The following AKAP6 variants were observed in gnomAD, a reference collection of about 807,000 sequenced individuals.
AKAP6 encodes A-kinase anchor protein 6.
A neutral mutation model predicts 188.5 loss-of-function variants in AKAP6; 58 were observed. The observed-to-expected ratio is 0.31, with a 90% CI of 0.25 to 0.38. The LOEUF (loss-of-function observed/expected upper bound fraction) is 0.38, where lower values mean the gene tolerates loss of function less well. Ranked by LOEUF, AKAP6 falls within the 10% of genes least tolerant of loss-of-function variation. The probability of loss-of-function intolerance (pLI) is 1.00; values close to 1 mark genes in which losing one functional copy is unlikely to be tolerated. For missense variants in AKAP6, 2,710 were observed against 2,740.0 expected (o/e 0.99, Z 0.24); for synonymous variants, 989 against 998.6 (o/e 0.99, Z 0.18).
At position 32,824,199 on chromosome 14, in the gene AKAP6, TAGA is replaced by T. The variant is rs1319915281; in HGVS notation, c.6390_6392del (p.Glu2131del). ...GATTGTGGGGAGGTCACCAATTACA[TAGA>T]AGAGAAAAGCAGCACTCCATTGCCA... On this transcript the variant is annotated inframe_deletion, in exon 13 of 14. Coordinates refer to ENST00000280979, the MANE Select transcript of AKAP6 (RefSeq NM_004274.5). 1 of 1,613,954 alleles carries T rather than the reference TAGA, an allele frequency of 6.2e-7. No individual in the cohort carries two copies. The highest frequency in any genetic ancestry group is 8.5e-7 in the Non-Finnish European group (1 of 1,179,936).
intron 2 of AKAP6, among the ~76,000 whole-genome samples, chr14:32,533,848 A>G (rs1328255091): frequency 6.6e-6 from 1 of 152,148 alleles, no homozygotes; most frequent in African/African-American, 2.4e-5. Context: ...GCACTGGCTA[A>G]TAGATTTTTT....
At chr14:32,499,752 A>G (rs1312334722) in intron 2 of AKAP6, among the ~76,000 whole-genome samples, 1 of 151,738 alleles carries the variant, frequency 6.6e-6, no homozygotes, top group Non-Finnish European at 1.5e-5. Flanking sequence ...TTATTAATAT[A>G]TATTTTACAT....
chr14:32,759,653 C>T (rs979671664), intron 11 of AKAP6, among the ~76,000 whole-genome samples: 6 of 152,150 alleles, frequency 3.9e-5, no homozygotes, highest in Non-Finnish European at 8.8e-5. Context: ...TGCTCAGCTT[C>T]TAGGGAGGAC....
intron 9 of AKAP6, among the ~76,000 whole-genome samples, chr14:32,701,062 A>G (rs954645292): frequency 6.6e-6 from 1 of 152,216 alleles, no homozygotes; most frequent in African/African-American, 2.4e-5. Flanking sequence ...TCATTCATAT[A>G]AGTCCAAACA....
At chr14:32,757,634 T>C (rs1428011801) in intron 11 of AKAP6, among the ~76,000 whole-genome samples, 3 of 152,258 alleles carry the variant, frequency 2.0e-5, no homozygotes, top group African/African-American at 7.2e-5. Context: ...AACACCCTTC[T>C]CTTCAGCAAA....
chr14:32,809,042 T>C (rs1215690097), intron 12 of AKAP6, among the ~76,000 whole-genome samples: 1 of 152,178 alleles, frequency 6.6e-6, no homozygotes, highest in African/African-American at 2.4e-5. Flanking sequence ...AATATCAGTA[T>C]TATGAATGTA....
At position 32,454,656 on chromosome 14, in the gene AKAP6, TCTCCTTCC is replaced by T. The variant is rs1253542129; in HGVS notation, c.324+20868_324+20875del. ...CCTTCCCTCCCTCCCTCCTTCCCTCTCTCCTTCCCTCCTTCCCTCCTTCCCTCCTTCCC... is the reference window on the plus strand; with the variant it reads ...CCTTCCCTCCCTCCCTCCTTCCCTCTCTCCTTCCCTCCTTCCCTCCTTCCC... On this transcript the variant is annotated intron_variant, in intron 2 of 13. Coordinates refer to ENST00000280979, the MANE Select transcript of AKAP6 (RefSeq NM_004274.5). Among the ~76,000 whole-genome samples, 48 of 22,636 alleles carry T rather than the reference TCTCCTTCC, an allele frequency of 2.1e-3. No individual in the cohort carries two copies. The East Asian group carries it at 0.026, about 12-fold the overall frequency. The allele number at this position is 22,636 out of a possible 152,430, so 14.9% of individuals were successfully genotyped here.
chr14:32,636,950 A>C (rs1887520247), intron 7 of AKAP6, among the ~76,000 whole-genome samples: 1 of 152,022 alleles, frequency 6.6e-6, no homozygotes, highest in African/African-American at 2.4e-5. Flanking sequence ...CACAAAATGG[A>C]GTCAGGGAAG....
chr14:32,615,334 G>A (rs1235088192), intron 7 of AKAP6, among the ~76,000 whole-genome samples: 1 of 151,438 alleles, frequency 6.6e-6, no homozygotes, highest in Non-Finnish European at 1.5e-5. Context: ...GGGAAAAATG[G>A]GTTCTTTATA....
chr14:32,677,412 T>C (rs1418909775), intron 7 of AKAP6, among the ~76,000 whole-genome samples: 1 of 152,208 alleles, frequency 6.6e-6, no homozygotes, highest in African/African-American at 2.4e-5. Flanking sequence ...ATTTCAAGGT[T>C]TATCAGAAAT....
chr14:32,447,503 G>A (rs1329946860), intron 2 of AKAP6, among the ~76,000 whole-genome samples: 1 of 151,938 alleles, frequency 6.6e-6, no homozygotes, highest in Non-Finnish European at 1.5e-5. Flanking sequence ...GTTAGGACTC[G>A]GCCAAAAAAG....
At chr14:32,547,951 C>T (rs898255696) in intron 4 of AKAP6, among the ~76,000 whole-genome samples, 4 of 152,046 alleles carry the variant, frequency 2.6e-5, no homozygotes, top group East Asian at 1.9e-4. Flanking sequence ...TGGTAATGGC[C>T]GTTTCCTCAG....
chr14:32,546,575 A>C lies in AKAP6; in HGVS notation c.1922A>C (p.Glu641Ala). ...CTGCCCTCTCACCTTAAGCAGACAGAAGTATTGGCTTTGAAGTTGGAAAAC... is the reference window on the plus strand; with the variant it reads ...CTGCCCTCTCACCTTAAGCAGACAGCAGTATTGGCTTTGAAGTTGGAAAAC... ...LALPSHLKQT[E>A]VLALKLENLT... Residue 641 changes from glutamate (E) to alanine (A), a missense_variant, in exon 4 of 14, where the codon GAA (glutamate) becomes GCA (alanine). Transcript: ENST00000280979. The C allele has an allele frequency of 6.2e-7, 1 of 1,614,200 alleles. No individual in the cohort carries two copies. The highest frequency in any genetic ancestry group is 1.1e-5 in the South Asian group (1 of 91,076).
In AKAP6 at chr14:32,824,027, A is replaced by C. The variant is rs2034607596; in HGVS notation, c.6214A>C (p.Lys2072Gln). 1 of 1,613,788 alleles carries C rather than the reference A, an allele frequency of 6.2e-7. No homozygotes were observed. Among genetic ancestry groups the C allele is most frequent in the Admixed American group, 1.7e-5 (1 of 59,916 alleles). Residue 2072 changes from lysine to glutamine, a missense_variant, in exon 13 of 14, where the codon AAA (lysine) becomes CAA (glutamine). This residue lies in a region of AKAP6 where 2,473 missense variants were observed against 2,426.1 expected (regional missense o/e 1.02). Coordinates refer to ENST00000280979, the MANE Select transcript of AKAP6 (RefSeq NM_004274.5). Reference protein sequence around the residue: ...EIIDMASTALKSKSQPENEVA... With the variant: ...EIIDMASTALQSKSQPENEVA... ...CATTGACATGGCTTCGACAGCCCTA[A>C]AAAGTAAATCTCAACCTGAAAACGA...
At chr14:32,566,379 A>C (rs2139224972) in intron 4 of AKAP6, among the ~76,000 whole-genome samples, 1 of 152,152 alleles carries the variant, frequency 6.6e-6, no homozygotes. Context: ...GTTAAAATGA[A>C]TATTGATAAA....
intron 12 of AKAP6, among the ~76,000 whole-genome samples, chr14:32,789,593 A>C (rs1184803530): frequency 6.6e-6 from 1 of 152,192 alleles, no homozygotes; most frequent in African/African-American, 2.4e-5. Flanking sequence ...AAACGAGCCA[A>C]CTAGGGCCTG....
At chr14:32,641,852 A>C (rs973162114) in intron 7 of AKAP6, among the ~76,000 whole-genome samples, 2 of 152,294 alleles carry the variant, frequency 1.3e-5, no homozygotes, top group South Asian at 2.1e-4. Flanking sequence ...AGGGGATTGC[A>C]TTTTAATGTG....
intron 2 of AKAP6, among the ~76,000 whole-genome samples, chr14:32,444,843 A>G (rs927459945): frequency 9.9e-5 from 15 of 152,210 alleles, no homozygotes; most frequent in Non-Finnish European, 2.2e-4. Flanking sequence ...TGCATCTTCA[A>G]CATTTACCTC....
intron 13 of AKAP6, among the ~76,000 whole-genome samples, chr14:32,827,477 A>G (rs1169977856): frequency 6.6e-6 from 1 of 152,152 alleles, no homozygotes; most frequent in Non-Finnish European, 1.5e-5. Context: ...AGATTTTCAA[A>G]TGTTTTTTAT....
Sources: gnomAD v4.1 joint callset for allele counts (sites outside exome capture counted in the v4.1 genomes callset) on GRCh38, gnomAD v4.1.1 for gene constraint, gnomAD v4.1.1 regional missense constraint, MANE v1.5 for transcripts, NCBI Gene and HGNC (gene_info 2026-07-23, HGNC 2026-07-21) for gene names.